The following RBM5 variants were observed in gnomAD, a reference collection of about 807,000 sequenced individuals.
RBM5 encodes RNA-binding protein 5.
A neutral mutation model predicts 124.6 loss-of-function variants in RBM5; 15 were observed. The observed-to-expected ratio is 0.12, with a 90% CI of 0.08 to 0.19. The LOEUF (loss-of-function observed/expected upper bound fraction) is 0.19, where lower values mean the gene tolerates loss of function less well. Among genes scored for constraint, RBM5 ranks in the 10% least tolerant of loss-of-function variants. RBM5 has a pLI of 1.00. For missense variants in RBM5, 580 were observed against 1,026.5 expected (o/e 0.57, Z 5.94); for synonymous variants, 337 against 361.2 (o/e 0.93, Z 0.76).
intron 20 of RBM5, 166 bp downstream of exon 20, chr3:50,114,417 T>C (rs2109018073): frequency 1.6e-6 from 1 of 636,280 alleles, no homozygotes. Flanking sequence ...CGGGGCTTTG[T>C]TTTCTGTGAG....
chr3:50,104,315 C>G lies in RBM5; in HGVS notation c.628+7C>G. On this transcript the variant is annotated splice_region_variant and intron_variant, in intron 8 of 24. Transcript: ENST00000347869. ...TGTGGAGCAGACAAGTTTGGTAAGA[C>G]TGGATTCAGCTGTTTGCAATATGCA... The G allele has an allele frequency of 6.2e-7, 1 of 1,613,290 alleles. No homozygotes were observed. Among genetic ancestry groups the G allele is most frequent in the Non-Finnish European group, 8.5e-7 (1 of 1,179,310 alleles).
At chr3:50,097,282 G>A (rs2090838072) in intron 4 of RBM5, among the ~76,000 whole-genome samples, 1 of 151,914 alleles carries the variant, frequency 6.6e-6, no homozygotes, top group Non-Finnish European at 1.5e-5. Context: ...TGTAGTCCCA[G>A]TTACTCAGGA....
At chr3:50,090,541 G>C (rs2090685231) in intron 2 of RBM5, 90 bp downstream of exon 2, 5 of 1,482,286 alleles carry the variant, frequency 3.4e-6, no homozygotes, top group Non-Finnish European at 4.7e-6. Flanking sequence ...TAATATATGA[G>C]TGTTTTGCGC....
At chr3:50,102,910 T>C (rs959363459) in intron 6 of RBM5, 173 bp from the exon 7 acceptor site, 2 of 606,654 alleles carry the variant, frequency 3.3e-6, no homozygotes, top group African/African-American at 3.7e-5. Flanking sequence ...TCCCATTCTC[T>C]TACTGCCTAT....
rs368640807 is a variant in RBM5, at chr3:50,107,536, G to A, written c.1008G>A (p.Thr336=). 5.0e-6 allele frequency: 8 copies of A among 1,611,284 alleles called. No individual in the cohort carries two copies. Among genetic ancestry groups the A allele is most frequent in the Non-Finnish European group, 6.8e-6 (8 of 1,177,494 alleles). Residue 336 remains threonine (T), a synonymous_variant, in exon 12 of 25, where the codon ACG becomes ACA. Coordinates refer to ENST00000347869, the MANE Select transcript of RBM5 (RefSeq NM_005778.4). ...TCAGCGCTTTCTCTGTAGCTAGTAC[G>A]GCTATTGCTGCTGCTCAGTGGTCAT... ...NRVSAFSVAS[T]AIAAAQWSST... is the part of the protein sequence containing the mutation.
At chr3:50,103,216 GTTTT>G (rs746564847) in intron 7 of RBM5, 50 bp downstream of exon 7, 2 of 1,358,202 alleles carry the variant, frequency 1.5e-6, no homozygotes, top group Non-Finnish European at 2.1e-6. Flanking sequence ...GGATATTGCT[GTTTT>G]TTTCTGTTTG....
rs1277754720 is a variant in RBM5 at position 50,093,797 on chromosome 3, T to C, written c.261T>C (p.Tyr87=). 6 of 1,613,966 alleles carry C rather than the reference T, an allele frequency of 3.7e-6. No homozygotes were observed. Among genetic ancestry groups the C allele is most frequent in the African/African-American group, 2.7e-5 (2 of 74,906 alleles). The part of the protein sequence containing the change: ...HSDGDYGEHD[Y]RHDISDERES... ...ATGGTGACTATGGTGAGCACGACTA[T>C]AGGCATGACATCAGTGACGAGAGGG... Residue 87 remains tyrosine (Y), a synonymous_variant, in exon 4 of 25, where the codon TAT becomes TAC. Coordinates refer to ENST00000347869, the MANE Select transcript of RBM5 (RefSeq NM_005778.4).
Position 50,094,553 on chromosome 3 carries a change from A to G in RBM5, c.339+678A>G, listed in dbSNP as rs144867066. Among the ~76,000 whole-genome samples, 343 of 152,210 alleles carry G rather than the reference A, an allele frequency of 2.3e-3. 5 individuals carry two copies. Among genetic ancestry groups the G allele is most frequent in the East Asian group, 0.017 (87 of 5,178 alleles). Reference sequence around the variant, plus strand: ...TTGTCACCCAGTCTGGAGTATAGCAATGCAATCATAGCTCACTGCAGCCTC... The same window carrying G: ...TTGTCACCCAGTCTGGAGTATAGCAGTGCAATCATAGCTCACTGCAGCCTC... On this transcript the variant is annotated intron_variant, in intron 4 of 24. Coordinates refer to ENST00000347869, the MANE Select transcript of RBM5 (RefSeq NM_005778.4).
At chr3:50,091,855 A>G in intron 2 of RBM5, 188 bp from the exon 3 acceptor site, 1 of 646,460 alleles carries the variant, frequency 1.5e-6, no homozygotes, top group Non-Finnish European at 2.8e-6. Context: ...AATTATCATT[A>G]CATTTAGGGA....
chr3:50,102,491 T>C (rs2090959032), intron 6 of RBM5: 1 of 152,216 alleles, frequency 6.6e-6, no homozygotes, highest in African/African-American at 2.4e-5. Flanking sequence ...CATTTAGTTG[T>C]TTTAGAGTTG....
chr3:50,100,280 CTT>C lies in RBM5; in HGVS notation c.409+239_409+240del, dbSNP rs554369650. The C allele has an allele frequency of 1.4e-3, 608 of 439,924 alleles. No individual in the cohort carries two copies. The highest frequency in any genetic ancestry group is 3.3e-3 in the South Asian group (90 of 27,006). The allele number at this position is 439,924 out of a possible 1,614,324, so 27.3% of individuals were successfully genotyped here. On this transcript the variant is annotated intron_variant, in intron 5 of 24. Coordinates refer to ENST00000347869, the MANE Select transcript of RBM5 (RefSeq NM_005778.4). The surrounding 1 kb of genome is among the most constrained non-coding windows in gnomAD (Gnocchi z 5.1). ...TAGGTAAGTAATGATTTATAAACTCCTTTTTTTTTTTGACTATAGTCGGTTGC... is the reference window on the plus strand; with the variant it reads ...TAGGTAAGTAATGATTTATAAACTCCTTTTTTTTTGACTATAGTCGGTTGC...
intron 17 of RBM5, among the ~76,000 whole-genome samples, chr3:50,111,890 A>T (rs1436737525): frequency 6.6e-6 from 1 of 152,106 alleles, no homozygotes; most frequent in African/African-American, 2.4e-5. Context: ...CTGTATATAT[A>T]GAACAGTAAT....
rs1575313788 is a variant in RBM5, at chr3:50,100,876, T to C, written c.483+271T>C. On this transcript the variant is annotated intron_variant, in intron 6 of 24. Transcript: ENST00000347869. The surrounding 1 kb of genome is among the most constrained non-coding windows in gnomAD (Gnocchi z 5.1). ...GTAATCACTAAAACATCTTAATGTT[T>C]CCCTTTTTTCTAGTTTGTTATATTC... The C allele has an allele frequency of 2.9e-6, 1 of 346,726 alleles. No individual in the cohort carries two copies. The highest frequency in any genetic ancestry group is 4.4e-5 in the Admixed American group (1 of 22,868). 21.5% of individuals were successfully genotyped at this position (346,726 alleles called of 1,614,324 possible).
chr3:50,100,229 CT>C lies in RBM5; in HGVS notation c.409+181del, dbSNP rs2090912062. On this transcript the variant is annotated intron_variant, in intron 5 of 24. Transcript: ENST00000347869. This position sits in a 1 kb window ranked among gnomAD's most constrained non-coding sequence, Gnocchi z 5.1. The stretch of plus-strand genomic sequence containing the variant: ...TTAGCATCTGAGGAACTTTTTTAAA[CT>C]TTGTTTTAGGGACTTTTTTTTCCTT... The C allele has an allele frequency of 1.5e-6, 1 of 650,588 alleles. No individual in the cohort carries two copies. The highest frequency in any genetic ancestry group is 2.5e-6 in the Non-Finnish European group (1 of 396,476). 40.3% of individuals were successfully genotyped at this position (650,588 alleles called of 1,614,324 possible). A position where few individuals can be genotyped will look rare whatever the true frequency, so the allele number is the denominator to read the frequency against.
chr3:50,089,132 G>A (rs1349048948), intron 1 of RBM5, 103 bp downstream of exon 1: 2 of 152,282 alleles, frequency 1.3e-5, no homozygotes, highest in East Asian at 3.8e-4. Context: ...AGCTCCAGCC[G>A]GTTCTGTAGA....
intron 1 of RBM5, 70 bp from the exon 2 acceptor site, chr3:50,090,312 T>G: frequency 2.0e-6 from 2 of 1,021,336 alleles, no homozygotes; most frequent in Non-Finnish European, 3.0e-6. Flanking sequence ...CTCAGTAGTA[T>G]CCAAGCTATG....
intron 4 of RBM5, 78 bp from the exon 5 acceptor site, chr3:50,099,904 A>C (rs886828764): frequency 1.5e-6 from 2 of 1,290,676 alleles, no homozygotes; most frequent in Non-Finnish European, 1.1e-6. Context: ...CTAATTAAAC[A>C]GTTGATGTAA....
Position 50,113,996 on chromosome 3 carries a change from A to G in RBM5, c.1664A>G (p.Lys555Arg). The stretch of plus-strand genomic sequence containing the variant: ...TGGGCTAAGAGTTTGAATAAGCAGA[A>G]AGAAAACTTTAAAAATAGCTTTCAG... ...ERWAKSLNKQ[K>R]ENFKNSFQPV... The change falls in exon 19 of 25, where the codon AAA becomes AGA. Residue 555 changes from lysine to arginine, a missense_variant. Coordinates refer to ENST00000347869, the MANE Select transcript of RBM5 (RefSeq NM_005778.4). The G allele has an allele frequency of 6.2e-7, 1 of 1,614,208 alleles. No individual in the cohort carries two copies. The highest frequency in any genetic ancestry group is 8.5e-7 in the Non-Finnish European group (1 of 1,180,034).
At position 50,115,983 on chromosome 3, in the gene RBM5, G is replaced by T; in HGVS notation, c.2094+3G>T. The T allele has an allele frequency of 6.2e-7, 1 of 1,610,612 alleles. No homozygotes were observed. The highest frequency in any genetic ancestry group is 1.1e-5 in the South Asian group (1 of 90,962). ...CCTTGGAGCTAAGGGAGAGAGAGGT[G>T]AATGGGAAACTGTGCCACAAGGAAG... On this transcript the variant is annotated splice_donor_region_variant and intron_variant, in intron 22 of 24. Transcript: ENST00000347869.
Sources: gnomAD v4.1 joint callset for allele counts (sites outside exome capture counted in the v4.1 genomes callset) on GRCh38, gnomAD v4.1.1 for gene constraint, Gnocchi (gnomAD v3.1) non-coding constraint, MANE v1.5 for transcripts, NCBI Gene and HGNC (gene_info 2026-07-23, HGNC 2026-07-21) for gene names.